Variants in RBFOX1 observed in about 807,000 individuals in gnomAD.
RBFOX1 encodes RNA binding fox-1 homolog 1.
RBFOX1 carries 8 observed loss-of-function variants against 57.7 expected under a neutral mutation model. The ratio of observed to expected loss-of-function variants is 0.14; its 90% CI spans 0.08 to 0.25. RBFOX1 has a LOEUF of 0.25. RBFOX1 is among the 10% of genes least tolerant of loss of function. The pLI is 1.00. For synonymous variants in RBFOX1, 326 were observed against 222.4 expected, an observed-to-expected ratio of 1.47 and a Z score of -4.15; for missense variants, 611 against 548.5, an observed-to-expected ratio of 1.11 and a Z score of -1.14.
At chr16:6,893,703 T>C (rs575236988) in intron 3 of RBFOX1, among the ~76,000 whole-genome samples, 3 of 152,348 alleles carry the variant, frequency 2.0e-5, no homozygotes, top group South Asian at 2.1e-4. Flanking sequence ...AACTAAAATA[T>C]CTTTTCAGTG....
intron 3 of RBFOX1, among the ~76,000 whole-genome samples, chr16:6,796,633 T>C (rs1465383071): frequency 6.6e-6 from 1 of 152,196 alleles, no homozygotes; most frequent in Admixed American, 6.5e-5. Context: ...TCTCTCTGTC[T>C]CTTGTTAAAA....
intron 4 of RBFOX1, among the ~76,000 whole-genome samples, chr16:7,122,822 ATGAATT>A: frequency 6.6e-6 from 1 of 152,332 alleles, no homozygotes; most frequent in Non-Finnish European, 1.5e-5. Context: ...CTTCAAATAG[ATGAATT>A]TGAAGCATTA....
intron 4 of RBFOX1, among the ~76,000 whole-genome samples, chr16:7,181,325 CTT>C: frequency 6.6e-6 from 1 of 152,172 alleles, no homozygotes; most frequent in African/African-American, 2.4e-5. Context: ...CCATGTCATC[CTT>C]CTCTGCCCTC....
intron 3 of RBFOX1, among the ~76,000 whole-genome samples, chr16:7,020,804 A>T (rs1451381617): frequency 2.0e-5 from 3 of 151,916 alleles, no homozygotes; most frequent in African/African-American, 7.3e-5. Flanking sequence ...AGTATCCACC[A>T]CCCTGACCGG....
chr16:6,136,670 G>C (rs1379185724), intron 1 of RBFOX1, among the ~76,000 whole-genome samples: 1 of 152,082 alleles, frequency 6.6e-6, no homozygotes, highest in Non-Finnish European at 1.5e-5. Flanking sequence ...TGCACAAAAG[G>C]AAATGATGAT....
intron 2 of RBFOX1, among the ~76,000 whole-genome samples, chr16:6,604,703 C>A (rs181633921): frequency 8.4e-4 from 128 of 152,208 alleles, no homozygotes; most frequent in African/African-American, 3.0e-3. Flanking sequence ...TACACATGCA[C>A]ACACACGTAT....
intron 4 of RBFOX1, among the ~76,000 whole-genome samples, chr16:5,898,313 C>T (rs1159152660): frequency 2.6e-5 from 4 of 152,084 alleles, no homozygotes; most frequent in Admixed American, 6.6e-5. Context: ...TGGGTGGGGA[C>T]ATGGCCAAAC....
At chr16:5,376,583 T>G (rs2065989381) in intron 1 of RBFOX1, among the ~76,000 whole-genome samples, 1 of 152,024 alleles carries the variant, frequency 6.6e-6, no homozygotes, top group Non-Finnish European at 1.5e-5. Context: ...ACACAAGCAG[T>G]GTTGCCGGGA....
chr16:5,652,229 AC>A (rs908859847), intron 3 of RBFOX1, among the ~76,000 whole-genome samples: 59 of 152,324 alleles, frequency 3.9e-4, no homozygotes, highest in African/African-American at 1.3e-3. Context: ...ACCACTTAGC[AC>A]TTTATATATT....
chr16:7,364,158 A>G (rs1413166910), intron 4 of RBFOX1, among the ~76,000 whole-genome samples: 1 of 152,204 alleles, frequency 6.6e-6, no homozygotes, highest in Non-Finnish European at 1.5e-5. Flanking sequence ...GCAGGAGTCT[A>G]CAACAGCTCA....
intron 3 of RBFOX1, among the ~76,000 whole-genome samples, chr16:6,904,219 G>T (rs2069190568): frequency 6.6e-6 from 1 of 152,184 alleles, no homozygotes; most frequent in South Asian, 2.1e-4. Context: ...CACTTTTGAT[G>T]CACATGTGTG....
chr16:6,656,652 G>C (rs2098655283), intron 3 of RBFOX1, among the ~76,000 whole-genome samples: 1 of 149,574 alleles, frequency 6.7e-6, no homozygotes, highest in Non-Finnish European at 1.5e-5. Context: ...TTCATAAATT[G>C]TTGGATTGAG....
intron 1 of RBFOX1, among the ~76,000 whole-genome samples, chr16:5,444,845 G>T (rs1041435921): frequency 6.6e-6 from 1 of 152,188 alleles, no homozygotes; most frequent in African/African-American, 2.4e-5. Flanking sequence ...ATAGGTCCAG[G>T]ATAGCTGAAT....
At chr16:5,955,888 A>G (rs1185544768) in intron 4 of RBFOX1, among the ~76,000 whole-genome samples, 2 of 152,234 alleles carry the variant, frequency 1.3e-5, no homozygotes, top group Admixed American at 6.5e-5. Flanking sequence ...AACGGGTCCA[A>G]TGCTCAAATA....
At chr16:6,080,786 T>G (rs1193762776) in intron 1 of RBFOX1, among the ~76,000 whole-genome samples, 2 of 152,218 alleles carry the variant, frequency 1.3e-5, no homozygotes, top group African/African-American at 4.8e-5. Context: ...AACAGACTTT[T>G]GGTAACCGGC....
chr16:6,629,352 G>A (rs949334262), intron 2 of RBFOX1, among the ~76,000 whole-genome samples: 2 of 152,180 alleles, frequency 1.3e-5, no homozygotes, highest in African/African-American at 4.8e-5. Flanking sequence ...ACACAGTGTT[G>A]CTCGTTTAAT....
chr16:5,604,968 C>T (rs752637795), downstream of RBFOX1, among the ~76,000 whole-genome samples: 19 of 152,172 alleles, frequency 1.2e-4, no homozygotes, highest in Non-Finnish European at 1.0e-4. Context: ...CAAAAGTGAT[C>T]TGTGTTGTTC....
chr16:6,995,676 C>G (rs1223165064), intron 3 of RBFOX1, among the ~76,000 whole-genome samples: 1 of 152,090 alleles, frequency 6.6e-6, no homozygotes, highest in Non-Finnish European at 1.5e-5. Context: ...AGGAGAATCA[C>G]TTGAACCTGG....
intron 4 of RBFOX1, among the ~76,000 whole-genome samples, chr16:7,285,293 T>G (rs1208803395): frequency 1.3e-5 from 2 of 152,030 alleles, no homozygotes; most frequent in African/African-American, 4.8e-5. Flanking sequence ...TTGGCAAAAT[T>G]AAAGTACAGT....
Sources: allele counts gnomAD v4.1 joint callset (sites outside exome capture counted in the v4.1 genomes callset), GRCh38; gene constraint gnomAD v4.1.1; transcripts MANE v1.5; gene names NCBI Gene and HGNC (gene_info 2026-07-23, HGNC 2026-07-21).